LYSMD3: variants seen among roughly 807,000 people sequenced by gnomAD.
LYSMD3 encodes the protein LysM domain containing 3, also known as lysM and putative peptidoglycan-binding domain-containing protein 3.
LYSMD3 carries 13 observed loss-of-function variants against 26.1 expected under a neutral mutation model. That is an observed-to-expected ratio of 0.50 (90% CI 0.32 to 0.79). The LOEUF (loss-of-function observed/expected upper bound fraction) is 0.79. LYSMD3 is among the 30% of genes least tolerant of loss of function. LYSMD3 has a pLI of 0.03. For synonymous variants in LYSMD3, 109 were observed against 119.4 expected (o/e 0.91, Z 0.57); for missense variants, 331 against 362.5 (o/e 0.91, Z 0.71).
At chr5:90,526,205 C>T (rs1753219425) in intron 1 of LYSMD3, among the ~76,000 whole-genome samples, 1 of 152,100 alleles carries the variant, frequency 6.6e-6, no homozygotes, top group Non-Finnish European at 1.5e-5. Flanking sequence ...TGCAGATATG[C>T]CTGCAATATA....
Position 90,518,403 on chromosome 5 carries a change from G to A in LYSMD3, c.*416C>T, listed in dbSNP as rs147848466. The A allele has an allele frequency of 1.9e-5, 3 of 156,626 alleles. No homozygotes were observed. The highest frequency in any genetic ancestry group is 4.2e-5 in the Non-Finnish European group (3 of 71,194). 9.7% of individuals were successfully genotyped at this position (156,626 alleles called of 1,614,324 possible). On this transcript the variant is annotated 3_prime_UTR_variant, in exon 3 of 3. Coordinates refer to ENST00000315948, the MANE Select transcript of LYSMD3 (RefSeq NM_198273.2). The stretch of plus-strand genomic sequence containing the variant: ...AATAATTTTAGAATCAAATTTTCTT[G>A]CAACTGAATATTTTGGGGGTTCATA...
At chr5:90,521,340 G>A (rs1013987288) in intron 2 of LYSMD3, among the ~76,000 whole-genome samples, 1 of 151,988 alleles carries the variant, frequency 6.6e-6, no homozygotes, top group African/African-American at 2.4e-5. Flanking sequence ...TTAATAGTAG[G>A]AAAACCAGAA....
chr5:90,526,247 T>A (rs1753220329), intron 1 of LYSMD3, among the ~76,000 whole-genome samples: 1 of 152,184 alleles, frequency 6.6e-6, no homozygotes, highest in African/African-American at 2.4e-5. Context: ...GAAGCAGGAA[T>A]TTTTCTTCCC....
rs904195387 is a variant in LYSMD3 at position 90,517,310 on chromosome 5, T to C, written c.*1509A>G. 2 of 152,058 alleles carry C rather than the reference T, an allele frequency of 1.3e-5. No homozygotes were observed. The highest frequency in any genetic ancestry group is 4.8e-5 in the African/African-American group (2 of 41,518). The allele number at this position is 152,058 out of a possible 1,614,324, so 9.4% of individuals were successfully genotyped here. On this transcript the variant is annotated 3_prime_UTR_variant, in exon 3 of 3. Transcript: ENST00000315948. ...AATATTTACTTATTCTGAGTTAAAT[T>C]TGAAATATATAAAATGACTTATCAA...
intron 1 of LYSMD3, among the ~76,000 whole-genome samples, chr5:90,525,531 C>G (rs574182111): frequency 6.6e-6 from 1 of 152,164 alleles, no homozygotes; most frequent in Non-Finnish European, 1.5e-5. Flanking sequence ...CTCACTGCAA[C>G]CTTTGCCTCC....
At chr5:90,526,929 T>C (rs1440603500) in intron 1 of LYSMD3, 3 of 151,958 alleles carry the variant, frequency 2.0e-5, no homozygotes, top group Non-Finnish European at 4.4e-5. Context: ...CTAGAGAGTA[T>C]AGAAAAAGAA....
rs759913714 is a variant in LYSMD3, at chr5:90,518,869, T to G, written c.871A>C (p.Lys291Gln). Residue 291 changes from lysine to glutamine, a missense_variant, in exon 3 of 3, where the codon AAA becomes CAA. Physicochemically the swap from Lys to Gln is moderately conservative, Grantham distance 53 (BLOSUM62 1). Around this residue, in one of 3 missense-constraint regions of LYSMD3, gnomAD observed 61 missense variants for 66.8 expected, o/e 0.91. Coordinates refer to ENST00000315948, the MANE Select transcript of LYSMD3 (RefSeq NM_198273.2). ...GIHFSQQDDH[K>Q]LYSQDSQSPA... Reference sequence around the variant, plus strand: ...GACTGAGAATCTTGACTATACAGTTTATGATCATCTTGTTGGCTGAAATGT... The same window carrying G: ...GACTGAGAATCTTGACTATACAGTTGATGATCATCTTGTTGGCTGAAATGT... 1.2e-6 allele frequency: 2 copies of G among 1,614,008 alleles called. No homozygotes were observed. Among genetic ancestry groups the G allele is most frequent in the East Asian group, 4.5e-5 (2 of 44,862 alleles).
At chr5:90,523,227 G>T (rs1404422491) in intron 2 of LYSMD3, among the ~76,000 whole-genome samples, 1 of 151,856 alleles carries the variant, frequency 6.6e-6, no homozygotes, top group East Asian at 1.9e-4. Context: ...GAGCAAGGTA[G>T]GAGGAAAAAA....
rs1308426752 is a variant in LYSMD3 at position 90,515,692 on chromosome 5, C to A, written c.*3127G>T. On this transcript the variant is annotated 3_prime_UTR_variant, in exon 3 of 3. Coordinates refer to ENST00000315948, the MANE Select transcript of LYSMD3 (RefSeq NM_198273.2). ...CTTTCAAAATATGAAAAATAAGGGG[C>A]AAAAAATTTTAAAAACTGGTTTTAC... 2 of 151,822 alleles carry A rather than the reference C, an allele frequency of 1.3e-5. No homozygotes were observed. Among genetic ancestry groups the A allele is most frequent in the Non-Finnish European group, 1.5e-5 (1 of 67,924 alleles). The allele number at this position is 151,822 out of a possible 1,614,324, so 9.4% of individuals were successfully genotyped here.
chr5:90,523,843 A>G (rs934887581), intron 2 of LYSMD3, among the ~76,000 whole-genome samples: 7 of 152,234 alleles, frequency 4.6e-5, no homozygotes, highest in African/African-American at 1.7e-4. Context: ...TATTGGGAGT[A>G]TGAGAACAAA....
rs10069050 is a variant in LYSMD3 at position 90,525,167 on chromosome 5, T to C, written c.123A>G (p.Glu41=). The part of the protein sequence containing the change: ...DILEEDAEVY[E]LRSRGKEKVR... ...CTTTCTCTTTTCCTCTGGATCGAAGTTCATACACTTCAGCATCCTCCTCCA... is the reference window on the plus strand; with the variant it reads ...CTTTCTCTTTTCCTCTGGATCGAAGCTCATACACTTCAGCATCCTCCTCCA... The change falls in exon 2 of 3, where the codon GAA becomes GAG. Residue 41 remains glutamate (E), a synonymous_variant. Transcript: ENST00000315948. The C allele has an allele frequency of 0.56, 897,561 of 1,613,332 alleles. 252,120 individuals are homozygous for C. The highest frequency in any genetic ancestry group is 0.73 in the African/African-American group (54,565 of 74,932).
rs1261034703 is a variant in LYSMD3 at position 90,516,264 on chromosome 5, GGAGT to G, written c.*2551_*2554del. ...AAAATATGAACTCCATAACTTCCTA[GGAGT>G]GAGATAGCAAAGAAATTTTATTTTA... On this transcript the variant is annotated 3_prime_UTR_variant, in exon 3 of 3. Transcript: ENST00000315948. 2.0e-5 allele frequency: 3 copies of G among 151,932 alleles called. No individual in the cohort carries two copies. The highest frequency in any genetic ancestry group is 7.3e-5 in the African/African-American group (3 of 41,364). The allele number at this position is 151,932 out of a possible 1,614,324, so 9.4% of individuals were successfully genotyped here.
In LYSMD3 at chr5:90,519,104, T is replaced by A. The variant is rs987883131; in HGVS notation, c.636A>T (p.Ala212=). The change falls in exon 3 of 3, where the codon GCA becomes GCT. Residue 212 remains alanine, a synonymous_variant. Coordinates refer to ENST00000315948, the MANE Select transcript of LYSMD3 (RefSeq NM_198273.2). Reference sequence around the variant, plus strand: ...CTGTCCACCACCCTATTCCCCAGTCTGCTCCATAATAGGGGTCTTTACGTT... The same window carrying A: ...CTGTCCACCACCCTATTCCCCAGTCAGCTCCATAATAGGGGTCTTTACGTT... ...NTQRKDPYYG[A]DWGIGWWTAV... 1 of 1,614,170 alleles carries A rather than the reference T, an allele frequency of 6.2e-7. No individual in the cohort carries two copies. The highest frequency in any genetic ancestry group is 2.2e-5 in the East Asian group (1 of 44,880).
chr5:90,526,492 C>CG (rs1479768820), intron 1 of LYSMD3, among the ~76,000 whole-genome samples: 1 of 152,172 alleles, frequency 6.6e-6, no homozygotes, highest in Non-Finnish European at 1.5e-5. Flanking sequence ...TAATTAGGAA[C>CG]ACAAGAACCT....
chr5:90,527,061 T>C (rs926856167), intron 1 of LYSMD3: 4 of 152,128 alleles, frequency 2.6e-5, no homozygotes, highest in Admixed American at 1.3e-4. Context: ...TGTTATGTCA[T>C]GGAAGCCAAA....
In LYSMD3 at chr5:90,519,148, G is replaced by T. The variant is rs200384766; in HGVS notation, c.592C>A (p.Pro198Thr). ...TTACGTTGAGTGTTTTTGTTATCAG[G>T]TTCAAAACGCATTTGTTGTGCTGTT... ...ALTAQQMRFE[P>T]DNKNTQRKDP... Residue 198 changes from proline to threonine, a missense_variant, in exon 3 of 3, where the codon CCT becomes ACT. Physicochemically the swap from Pro to Thr is conservative, Grantham distance 38 (BLOSUM62 -1). Transcript: ENST00000315948. The T allele has an allele frequency of 1.0e-3, 1,653 of 1,613,968 alleles. 3 individuals carry two copies. The highest frequency in any genetic ancestry group is 1.3e-3 in the Non-Finnish European group (1,495 of 1,179,948).
Position 90,518,898 on chromosome 5 carries a change from C to T in LYSMD3, c.842G>A (p.Gly281Glu), listed in dbSNP as rs751045133. 8 of 1,613,970 alleles carry T rather than the reference C, an allele frequency of 5.0e-6. No individual in the cohort carries two copies. The highest frequency in any genetic ancestry group is 5.9e-6 in the Non-Finnish European group (7 of 1,179,924). Reference protein sequence around the residue: ...EMENGIVPTKGIHFSQQDDHK... With the variant: ...EMENGIVPTKEIHFSQQDDHK... Reference sequence around the variant, plus strand: ...ATCATCTTGTTGGCTGAAATGTATTCCTTTAGTTGGCACAATTCCATTTTC... The same window carrying T: ...ATCATCTTGTTGGCTGAAATGTATTTCTTTAGTTGGCACAATTCCATTTTC... Residue 281 changes from glycine (G) to glutamate (E), a missense_variant, in exon 3 of 3, where the codon GGA becomes GAA. Physicochemically the swap from Gly to Glu is moderately conservative, Grantham distance 98. Around this residue, in one of 3 missense-constraint regions of LYSMD3, gnomAD observed 61 missense variants for 66.8 expected, o/e 0.91. Transcript: ENST00000315948.
chr5:90,525,435 A>AATAACTGTCTGAACAATTTCCAAATGCAT, intron 1 of LYSMD3, 135 bp from the exon 2 acceptor site: 1 of 951,340 alleles, frequency 1.1e-6, no homozygotes, highest in South Asian at 1.9e-5. Context: ...TTTAGGTTTA[A>AATAACTGTCTGAACAATTTCCAAATGCAT]GTTCGTTTTT....
rs1410796625 is a variant in LYSMD3, at chr5:90,516,509, TGTTA to T, written c.*2306_*2309del. The T allele has an allele frequency of 1.3e-5, 2 of 152,118 alleles. No individual in the cohort carries two copies. The highest frequency in any genetic ancestry group is 2.9e-5 in the Non-Finnish European group (2 of 67,936). 9.4% of individuals were successfully genotyped at this position (152,118 alleles called of 1,614,324 possible). A position where few individuals can be genotyped will look rare whatever the true frequency, so the allele number is the denominator to read the frequency against. ...CATAATGTTAAACAATAACTGTGCT[TGTTA>T]GTTATACAAGGTAATTTGCATTTGA... is the stretch of plus-strand genomic sequence containing the variant. On this transcript the variant is annotated 3_prime_UTR_variant, in exon 3 of 3. Coordinates refer to ENST00000315948, the MANE Select transcript of LYSMD3 (RefSeq NM_198273.2).
Sources: gnomAD v4.1 joint callset for allele counts (sites outside exome capture counted in the v4.1 genomes callset) on GRCh38, gnomAD v4.1.1 for gene constraint, gnomAD v4.1.1 regional missense constraint, MANE v1.5 for transcripts, NCBI Gene and HGNC (gene_info 2026-07-23, HGNC 2026-07-21) for gene names.